Variants in SLC71A1 observed in about 807,000 individuals in gnomAD.
SLC71A1 encodes the protein hippocampus abundant gene transcript 1.
At chr1:100,052,775 TTTTTA>T in the SLC71A1 span, among the ~76,000 whole-genome samples, 1 of 151,508 alleles carries the variant, frequency 6.6e-6, no homozygotes, top group Non-Finnish European at 1.5e-5. Flanking sequence ...TTTCTTTTTT[TTTTTA>T]TTTTGTTTGT....
chr1:100,077,355 G>A, the SLC71A1 span: 2 of 740,020 alleles, frequency 2.7e-6, no homozygotes, highest in Non-Finnish European at 4.7e-6. Flanking sequence ...CTCAACTGAG[G>A]GGTAGACTGT....
At chr1:100,059,904 G>A in the SLC71A1 span, 47 of 1,611,508 alleles carry the variant, frequency 2.9e-5, no homozygotes, top group African/African-American at 3.7e-4. Flanking sequence ...TTAGTGCCCC[G>A]CTTATTGGTG....
At chr1:100,076,458 TA>T in the SLC71A1 span, among the ~76,000 whole-genome samples, 1 of 152,236 alleles carries the variant, frequency 6.6e-6, no homozygotes, top group Admixed American at 6.5e-5. Flanking sequence ...TATTGTTTAT[TA>T]ACCGCTGATT....
the SLC71A1 span, among the ~76,000 whole-genome samples, chr1:100,065,152 G>A: frequency 2.0e-5 from 3 of 152,286 alleles, no homozygotes; most frequent in Admixed American, 2.0e-4. Flanking sequence ...GGAATTACAG[G>A]CATGAGACAC....
chr1:100,069,468 T>C, the SLC71A1 span: 1 of 583,774 alleles, frequency 1.7e-6, no homozygotes, highest in Non-Finnish European at 3.0e-6. Flanking sequence ...TATGTTGTAT[T>C]TCCTCTGAGG....
chr1:100,076,449 AT>A, the SLC71A1 span, among the ~76,000 whole-genome samples: 1 of 152,198 alleles, frequency 6.6e-6, no homozygotes, highest in African/African-American at 2.4e-5. Flanking sequence ...CACTGATAAT[AT>A]TGTTTATTAA....
chr1:100,045,915 T>G, the SLC71A1 span, among the ~76,000 whole-genome samples: 7 of 152,198 alleles, frequency 4.6e-5, no homozygotes, highest in African/African-American at 1.7e-4. Flanking sequence ...TAGATTTAAG[T>G]CTTTAATCCA....
chr1:100,071,188 C>G, the SLC71A1 span, among the ~76,000 whole-genome samples: 1 of 146,544 alleles, frequency 6.8e-6, no homozygotes, highest in African/African-American at 2.5e-5. Flanking sequence ...TGCGGTGGTT[C>G]ATGTCTGTAT....
the SLC71A1 span, among the ~76,000 whole-genome samples, chr1:100,047,275 T>A: frequency 6.6e-6 from 1 of 152,240 alleles, no homozygotes; most frequent in South Asian, 2.1e-4. Flanking sequence ...TGTTGAATTT[T>A]AGTAAATGCT....
chr1:100,046,952 T>C, the SLC71A1 span, among the ~76,000 whole-genome samples: 2 of 152,238 alleles, frequency 1.3e-5, no homozygotes, highest in African/African-American at 4.8e-5. Context: ...TCTGATAGTT[T>C]TTTGGTGGAG....
the SLC71A1 span, among the ~76,000 whole-genome samples, chr1:100,080,865 A>C: frequency 6.6e-6 from 1 of 152,180 alleles, no homozygotes; most frequent in Admixed American, 6.5e-5. Context: ...GAGAATGAAA[A>C]ATTTTAAGTA....
chr1:100,038,390 C>G, the SLC71A1 span: 1 of 1,192,404 alleles, frequency 8.4e-7, no homozygotes, highest in Admixed American at 2.0e-5. Flanking sequence ...CCCACACTGC[C>G]GTCTCTAGGC....
the SLC71A1 span, chr1:100,081,896 AAGAGC>A: frequency 3.8e-6 from 3 of 790,772 alleles, no homozygotes; most frequent in African/African-American, 3.5e-5. Flanking sequence ...TAATAAAGAG[AAGAGC>A]AATTAGCTTG....
the SLC71A1 span, among the ~76,000 whole-genome samples, chr1:100,063,281 A>G: frequency 1.3e-5 from 2 of 149,454 alleles, no homozygotes; most frequent in Non-Finnish European, 3.0e-5. Context: ...AAAACAAAAC[A>G]AAACAAAACA....
chr1:100,052,523 C>G, the SLC71A1 span, among the ~76,000 whole-genome samples: 1 of 151,178 alleles, frequency 6.6e-6, no homozygotes, highest in African/African-American at 2.4e-5. Context: ...CCCCCACCTC[C>G]CAGGTTCAAG....
the SLC71A1 span, among the ~76,000 whole-genome samples, chr1:100,069,869 A>G: frequency 0.01 from 1,595 of 152,330 alleles, 15 homozygotes; most frequent in Middle Eastern, 0.058. Context: ...GACACATTTA[A>G]TATAGGATAT....
At chr1:100,049,046 C>A in the SLC71A1 span, among the ~76,000 whole-genome samples, 1 of 152,180 alleles carries the variant, frequency 6.6e-6, no homozygotes, top group Non-Finnish European at 1.5e-5. Flanking sequence ...TCATACTGTG[C>A]CACTGTTTTA....
chr1:100,043,063 T>G, the SLC71A1 span: 2 of 984,778 alleles, frequency 2.0e-6, no homozygotes, highest in East Asian at 2.3e-4. Flanking sequence ...ATATGCAGTT[T>G]TTTTTTCAGA....
At chr1:100,043,353 C>A in the SLC71A1 span, 1 of 224,560 alleles carries the variant, frequency 4.5e-6, no homozygotes, top group Non-Finnish European at 7.4e-6. Context: ...CAGGGTACAT[C>A]AAGAAGAGAT....
Sources: allele counts gnomAD v4.1 joint callset (sites outside exome capture counted in the v4.1 genomes callset), GRCh38; gene constraint gnomAD v4.1.1; transcripts MANE v1.5; gene names NCBI Gene and HGNC (gene_info 2026-07-23, HGNC 2026-07-21).